Variants in PTPRG observed in about 807,000 individuals in gnomAD.
The protein encoded by PTPRG is receptor-type tyrosine-protein phosphatase gamma.
Under a neutral mutation model 165.3 loss-of-function variants are expected in PTPRG, and 102 were observed. The ratio of observed to expected loss-of-function variants is 0.62; its 90% CI spans 0.53 to 0.73. The LOEUF is 0.73. Among genes scored for constraint, PTPRG ranks in the 30% least tolerant of loss-of-function variants. The pLI is 0.00. For missense variants in PTPRG, 1,866 were observed against 1,861.4 expected (o/e 1.00, Z -0.05); for synonymous variants, 675 against 669.5 (o/e 1.01, Z -0.13).
chr3:61,940,669 A>T (rs558233078), intron 2 of PTPRG, among the ~76,000 whole-genome samples: 2,222 of 91,462 alleles, frequency 0.024, 47 homozygotes, highest in South Asian at 0.19. Context: ...TTATTTATTT[A>T]TTTTTTATTT....
rs755021285 is a variant in PTPRG, at chr3:62,231,296, G to T, written c.2360G>T (p.Gly787Val). 1 of 1,596,040 alleles carries T rather than the reference G, an allele frequency of 6.3e-7. No individual in the cohort carries two copies. The highest frequency in any genetic ancestry group is 8.5e-7 in the Non-Finnish European group (1 of 1,170,874). ...FREVPSSGER[G>V]EKGSRKCFQT... The stretch of plus-strand genomic sequence containing the variant: ...GAAGTGCCTTCTTCTGGGGAGAGAG[G>T]AGAGAAGGGGAGCAGGTGAGGGGCG... Residue 787 changes from glycine (G) to valine (V), a missense_variant, in exon 14 of 30, where the codon GGA becomes GTA. This residue lies in a region of PTPRG where 1,452 missense variants were observed against 1,463.0 expected (regional missense o/e 0.99). Coordinates refer to ENST00000474889, the MANE Select transcript of PTPRG (RefSeq NM_002841.4).
intron 12 of PTPRG, among the ~76,000 whole-genome samples, chr3:62,206,933 A>AAAAACAAAAAAAAAC (rs1559650279): frequency 7.2e-4 from 105 of 146,250 alleles, no homozygotes; most frequent in African/African-American, 2.5e-3. Context: ...AAAAAAAAAA[A>AAAAACAAAAAAAAAC]AAAAAAGAAG....
chr3:61,989,701 A>T lies in PTPRG; in HGVS notation c.267A>T (p.Leu89Phe), dbSNP rs201787131. The part of the protein sequence containing the change: ...GGRHQSPIDI[L>F]DQYARVGEEY... Reference sequence around the variant, plus strand: ...GTCACCAGTCTCCTATTGACATTTTAGACCAGTATGCGCGTGTTGGGGAAG... The same window carrying T: ...GTCACCAGTCTCCTATTGACATTTTTGACCAGTATGCGCGTGTTGGGGAAG... The change falls in exon 3 of 30, where the codon TTA becomes TTT. Residue 89 changes from leucine (L) to phenylalanine (F), a missense_variant. Coordinates refer to ENST00000474889, the MANE Select transcript of PTPRG (RefSeq NM_002841.4). The T allele has an allele frequency of 6.2e-7, 1 of 1,614,172 alleles. No individual in the cohort carries two copies. The highest frequency in any genetic ancestry group is 8.5e-7 in the Non-Finnish European group (1 of 1,180,022).
At chr3:62,164,100 C>T (rs1050554165) in intron 7 of PTPRG, among the ~76,000 whole-genome samples, 4 of 152,196 alleles carry the variant, frequency 2.6e-5, no homozygotes, top group Admixed American at 6.5e-5. Context: ...GACCAAACAT[C>T]GGACCGGTCA....
chr3:62,083,724 A>G (rs968137272), intron 5 of PTPRG, among the ~76,000 whole-genome samples: 3 of 152,092 alleles, frequency 2.0e-5, no homozygotes, highest in African/African-American at 7.2e-5. Flanking sequence ...TTTTATCGTC[A>G]CCCTCAGAAT....
chr3:62,026,894 A>G (rs1002366934), intron 4 of PTPRG, among the ~76,000 whole-genome samples: 1 of 150,340 alleles, frequency 6.7e-6, no homozygotes, highest in African/African-American at 2.4e-5. Flanking sequence ...AAAAAAAAAA[A>G]GATATAAGAA....
chr3:62,271,105 G>T lies in PTPRG; in HGVS notation c.3010-278G>T, dbSNP rs1466232437. On this transcript the variant is annotated intron_variant, in intron 20 of 29. Coordinates refer to ENST00000474889, the MANE Select transcript of PTPRG (RefSeq NM_002841.4). This position sits in a 1 kb window ranked among gnomAD's most constrained non-coding sequence, Gnocchi z 4.1. ...TTGCAGGAAAAGTACAAGTGCTTTG[G>T]ATAGTTCCAAATCCAAAAAAAACTG... is the stretch of plus-strand genomic sequence containing the variant. Among the ~76,000 whole-genome samples the T allele has an allele frequency of 6.6e-6, 1 of 150,854 alleles. No homozygotes were observed. Among genetic ancestry groups the T allele is most frequent in the African/African-American group, 2.4e-5 (1 of 41,286 alleles).
intron 2 of PTPRG, among the ~76,000 whole-genome samples, chr3:61,965,707 A>G (rs551431734): frequency 2.6e-5 from 4 of 152,244 alleles, no homozygotes; most frequent in Non-Finnish European, 5.9e-5. Flanking sequence ...AACACGTAAC[A>G]TGCTCACTAT....
chr3:61,677,795 T>C (rs1188567903), intron 1 of PTPRG, among the ~76,000 whole-genome samples: 1 of 152,104 alleles, frequency 6.6e-6, no homozygotes, highest in African/African-American at 2.4e-5. Context: ...TTTCTGGAAA[T>C]CGGCAGCCCC....
intron 2 of PTPRG, among the ~76,000 whole-genome samples, chr3:61,805,530 C>CAAAAAAAAAAAAAAA (rs58646519): frequency 2.1e-5 from 2 of 96,532 alleles, no homozygotes; most frequent in Non-Finnish European, 2.3e-5. Context: ...ATGGGAAAGA[C>CAAAAAAAAAAAAAAA]AAAAAAAAAA....
chr3:62,081,456 G>A (rs1231931784), intron 5 of PTPRG, among the ~76,000 whole-genome samples: 1 of 151,948 alleles, frequency 6.6e-6, no homozygotes, highest in Non-Finnish European at 1.5e-5. Context: ...GGATCCTCCT[G>A]CAACAGCCTC....
In PTPRG at chr3:62,273,697, G is replaced by C. The variant is rs760313469; in HGVS notation, c.3319-1G>C. 1 of 1,613,172 alleles carries C rather than the reference G, an allele frequency of 6.2e-7. No homozygotes were observed. The highest frequency in any genetic ancestry group is 1.1e-5 in the South Asian group (1 of 91,048). The stretch of plus-strand genomic sequence containing the variant: ...TGACTACCATGTATTGTACCTCTTA[G>C]GAGCAGTACATTTTCATCCATGATG... On this transcript the variant is annotated splice_acceptor_variant, in intron 22 of 29. Coordinates refer to ENST00000474889, the MANE Select transcript of PTPRG (RefSeq NM_002841.4). LOFTEE classifies it high-confidence loss of function. The surrounding 1 kb of genome is among the most constrained non-coding windows in gnomAD (Gnocchi z 4.1).
At position 62,123,611 on chromosome 3, in the gene PTPRG, T is replaced by TAAAAGTTTAAACTTTTATA. The variant is rs1440626699; in HGVS notation, c.616-8981_616-8963dup. On this transcript the variant is annotated intron_variant, in intron 5 of 29. Coordinates refer to ENST00000474889, the MANE Select transcript of PTPRG (RefSeq NM_002841.4). ...TGTATAAAAGGGTTACGTTTACAAC[T>TAAAAGTTTAAACTTTTATA]AAAAGTTTAAACTTTTATAAAAAGT... 6.6e-5 allele frequency among the ~76,000 whole-genome samples: 10 copies of TAAAAGTTTAAACTTTTATA among 152,302 alleles called. No homozygotes were observed. The East Asian group carries it at 1.9e-3, about 29-fold the overall frequency.
rs184932020 is a variant in PTPRG at position 62,144,617 on chromosome 3, C to T, written c.682+11949C>T. On this transcript the variant is annotated intron_variant, in intron 6 of 29. Coordinates refer to ENST00000474889, the MANE Select transcript of PTPRG (RefSeq NM_002841.4). ...GCACCCTGATCTTGGCTAATTGGCTCACATCTATTAAGGATCCAGGAAGGA... is the reference window on the plus strand; with the variant it reads ...GCACCCTGATCTTGGCTAATTGGCTTACATCTATTAAGGATCCAGGAAGGA... 5.9e-5 allele frequency among the ~76,000 whole-genome samples: 9 copies of T among 152,256 alleles called. No individual in the cohort carries two copies. The East Asian group carries it at 1.2e-3, about 20-fold the overall frequency.
At chr3:61,580,581 C>T (rs1041280242) in intron 1 of PTPRG, among the ~76,000 whole-genome samples, 5 of 151,940 alleles carry the variant, frequency 3.3e-5, no homozygotes, top group South Asian at 2.1e-4. Context: ...GTGATGTGCC[C>T]GCCTCAGCCT....
intron 2 of PTPRG, among the ~76,000 whole-genome samples, chr3:61,840,504 G>A (rs1161769857): frequency 6.6e-6 from 1 of 152,174 alleles, no homozygotes; most frequent in East Asian, 1.9e-4. Flanking sequence ...AGTGTGTAAT[G>A]AGGATGATTT....
At chr3:62,032,660 T>G (rs1699807690) in intron 4 of PTPRG, among the ~76,000 whole-genome samples, 1 of 152,230 alleles carries the variant, frequency 6.6e-6, no homozygotes, top group African/African-American at 2.4e-5. Context: ...GAGACTAAAA[T>G]GCAGTGAAAG....
At chr3:62,281,536 GGC>G (rs1702438126) in intron 26 of PTPRG, 25 bp from the exon 27 acceptor site, 9 of 197,526 alleles carry the variant, frequency 4.6e-5, no homozygotes, top group South Asian at 6.0e-5. Flanking sequence ...GAACTGCAGA[GGC>G]TTTTTTTTTT....
At chr3:62,155,674 T>A (rs1056835099) in intron 6 of PTPRG, among the ~76,000 whole-genome samples, 40 of 152,208 alleles carry the variant, frequency 2.6e-4, no homozygotes, top group African/African-American at 9.2e-4. Flanking sequence ...CAAAAGGAAA[T>A]TGCAATTTTA....
Sources: allele counts gnomAD v4.1 joint callset (sites outside exome capture counted in the v4.1 genomes callset), GRCh38; gene constraint gnomAD v4.1.1; regional missense constraint gnomAD v4.1.1; non-coding constraint Gnocchi (gnomAD v3.1); transcripts MANE v1.5; gene names NCBI Gene and HGNC (gene_info 2026-07-23, HGNC 2026-07-21).